GPATCH2: variants seen among roughly 807,000 people sequenced by gnomAD.
GPATCH2 encodes G-patch domain containing 2.
A neutral mutation model predicts 58.0 loss-of-function variants in GPATCH2; 51 were observed. The observed-to-expected ratio is 0.88, with a 90% CI of 0.70 to 1.11. The LOEUF (loss-of-function observed/expected upper bound fraction) is 1.11, where lower values mean the gene tolerates loss of function less well. Ranked by LOEUF, GPATCH2 falls within the 50% of genes most tolerant of loss-of-function variation. The pLI is 0.00. For synonymous variants in GPATCH2, 222 were observed against 218.5 expected (o/e 1.02, Z -0.14); for missense variants, 625 against 652.2 (o/e 0.96, Z 0.45).
At chr1:217,432,540 G>T (rs1044400131) in intron 9 of GPATCH2, among the ~76,000 whole-genome samples, 2 of 152,162 alleles carry the variant, frequency 1.3e-5, no homozygotes, top group African/African-American at 4.8e-5. Context: ...CCCAGGTGTG[G>T]TATAGGTTGG....
intron 5 of GPATCH2, among the ~76,000 whole-genome samples, chr1:217,576,839 A>G (rs1666826672): frequency 6.6e-6 from 1 of 152,234 alleles, no homozygotes; most frequent in South Asian, 2.1e-4. Context: ...CTGTTGTTAA[A>G]GTGGAATTAG....
chr1:217,475,815 A>T (rs2102509399), intron 8 of GPATCH2, among the ~76,000 whole-genome samples: 1 of 152,326 alleles, frequency 6.6e-6, no homozygotes, highest in Non-Finnish European at 1.5e-5. Context: ...CATAAATTTA[A>T]CCATCTCTGT....
In GPATCH2 at chr1:217,581,028, A is replaced by G. The variant is rs1667056314; in HGVS notation, c.1098+29293T>C. ...GAGACTCCGTCTCAAAAAAAAAAAA[A>G]AAAAAAAAGAAAGGCAGAATCTCAA... is the stretch of plus-strand genomic sequence containing the variant. On this transcript the variant is annotated intron_variant, in intron 5 of 9. Coordinates refer to ENST00000366935, the MANE Select transcript of GPATCH2 (RefSeq NM_018040.5). 1.3e-5 allele frequency among the ~76,000 whole-genome samples: 2 copies of G among 150,878 alleles called. 1 individual carries two copies. The highest frequency in any genetic ancestry group is 4.9e-5 in the African/African-American group (2 of 41,068).
chr1:217,512,552 A>G (rs1571836366), intron 6 of GPATCH2, among the ~76,000 whole-genome samples: 1 of 152,198 alleles, frequency 6.6e-6, no homozygotes, highest in South Asian at 2.1e-4. Flanking sequence ...AAAGACCTAT[A>G]CCTACCTGCT....
intron 8 of GPATCH2, among the ~76,000 whole-genome samples, chr1:217,484,427 G>A (rs951386380): frequency 3.4e-5 from 5 of 148,046 alleles, no homozygotes; most frequent in Non-Finnish European, 6.0e-5. Flanking sequence ...CAGGCCCTCA[G>A]ACTCAGACTA....
chr1:217,462,659 C>G (rs933108619), intron 8 of GPATCH2, among the ~76,000 whole-genome samples: 1 of 152,180 alleles, frequency 6.6e-6, no homozygotes, highest in Non-Finnish European at 1.5e-5. Context: ...TAAAATACAT[C>G]ATTAACACTC....
intron 5 of GPATCH2, chr1:217,609,914 T>A: frequency 8.8e-7 from 1 of 1,130,464 alleles, no homozygotes; most frequent in Non-Finnish European, 1.1e-6. Flanking sequence ...GAAAAATATA[T>A]AATTTACAGT....
At chr1:217,435,312 C>G (rs567115571) in intron 9 of GPATCH2, among the ~76,000 whole-genome samples, 1 of 152,226 alleles carries the variant, frequency 6.6e-6, no homozygotes, top group Non-Finnish European at 1.5e-5. Flanking sequence ...TCTATTACAG[C>G]TGAGTCAGTC....
At chr1:217,495,773 C>A (rs1024619839) in intron 7 of GPATCH2, among the ~76,000 whole-genome samples, 2 of 152,144 alleles carry the variant, frequency 1.3e-5, no homozygotes, top group African/African-American at 4.8e-5. Context: ...TTACAAATAA[C>A]TCTTTTAATA....
intron 6 of GPATCH2, 72 bp from the exon 7 acceptor site, chr1:217,498,467 ATGT>A: frequency 9.0e-7 from 1 of 1,110,986 alleles, no homozygotes; most frequent in Non-Finnish European, 1.4e-6. Context: ...ATCGAGCCGC[ATGT>A]GCTTTAAGAA....
intron 2 of GPATCH2, among the ~76,000 whole-genome samples, chr1:217,619,041 T>C (rs1399174559): frequency 6.6e-6 from 1 of 152,166 alleles, no homozygotes; most frequent in African/African-American, 2.4e-5. Context: ...GACTGTTTTT[T>C]TCTGGCTCAT....
chr1:217,477,827 T>C (rs2102512564), intron 8 of GPATCH2, among the ~76,000 whole-genome samples: 1 of 152,224 alleles, frequency 6.6e-6, no homozygotes, highest in East Asian at 1.9e-4. Flanking sequence ...TCAGGGAGTG[T>C]GGTTACAACA....
chr1:217,613,652 C>A (rs903484183), intron 3 of GPATCH2, among the ~76,000 whole-genome samples: 2 of 151,964 alleles, frequency 1.3e-5, no homozygotes, highest in Non-Finnish European at 2.9e-5. Context: ...ATATAAGTTG[C>A]AAGACATTTC....
intron 8 of GPATCH2, among the ~76,000 whole-genome samples, chr1:217,465,099 G>A (rs1176693692): frequency 1.3e-5 from 2 of 151,352 alleles, no homozygotes; most frequent in South Asian, 2.1e-4. Context: ...AGAAATAAAA[G>A]GAAAAAAATC....
At chr1:217,500,953 G>A (rs994134369) in intron 6 of GPATCH2, among the ~76,000 whole-genome samples, 2 of 151,794 alleles carry the variant, frequency 1.3e-5, no homozygotes, top group African/African-American at 2.4e-5. Context: ...CCTTTATCCC[G>A]TTTCCCAAAA....
At chr1:217,608,197 C>T (rs923549394) in intron 5 of GPATCH2, 6 of 839,936 alleles carry the variant, frequency 7.1e-6, no homozygotes, top group South Asian at 5.5e-5. Context: ...CCTTTCTTGC[C>T]CAAGTCAGAG....
At chr1:217,464,540 G>T (rs964211298) in intron 8 of GPATCH2, among the ~76,000 whole-genome samples, 4 of 152,124 alleles carry the variant, frequency 2.6e-5, no homozygotes, top group Non-Finnish European at 4.4e-5. Context: ...GAATTAGTTG[G>T]ATCATATAAA....
chr1:217,529,393 G>GT (rs1664076619), intron 5 of GPATCH2, among the ~76,000 whole-genome samples: 1 of 152,170 alleles, frequency 6.6e-6, no homozygotes, highest in Non-Finnish European at 1.5e-5. Flanking sequence ...CTGCATGGTA[G>GT]TGAGTTCTCC....
chr1:217,587,417 T>A (rs1056820302), intron 5 of GPATCH2, among the ~76,000 whole-genome samples: 1 of 152,136 alleles, frequency 6.6e-6, no homozygotes, highest in Non-Finnish European at 1.5e-5. Flanking sequence ...CGAGATTAAA[T>A]TTTTAAAAAT....
Sources: gnomAD v4.1 joint callset for allele counts (sites outside exome capture counted in the v4.1 genomes callset) on GRCh38, gnomAD v4.1.1 for gene constraint, MANE v1.5 for transcripts, NCBI Gene and HGNC (gene_info 2026-07-23, HGNC 2026-07-21) for gene names.